Variants in ITPR2 observed in about 807,000 individuals in gnomAD.
ITPR2 encodes the protein inositol 1,4,5-trisphosphate-gated calcium channel ITPR2.
Under a neutral mutation model 317.1 loss-of-function variants are expected in ITPR2, and 207 were observed. That is an observed-to-expected ratio of 0.65 (90% CI 0.58 to 0.73). ITPR2 has a LOEUF of 0.73. Ranked by LOEUF, ITPR2 falls within the 30% of genes least tolerant of loss-of-function variation. The pLI is 0.00. For synonymous variants in ITPR2, 1,156 were observed against 1,149.1 expected, an observed-to-expected ratio of 1.01 and a Z score of -0.12; for missense variants, 2,613 against 3,284.0, an observed-to-expected ratio of 0.80 and a Z score of 4.99.
chr12:26,660,997 T>A (rs933228849), intron 15 of ITPR2, among the ~76,000 whole-genome samples: 1 of 151,556 alleles, frequency 6.6e-6, no homozygotes, highest in African/African-American at 2.4e-5. Context: ...TTTTTAAATG[T>A]TCTAAAAAAT....
chr12:26,412,549 A>C (rs894800127), intron 51 of ITPR2, among the ~76,000 whole-genome samples: 1 of 152,236 alleles, frequency 6.6e-6, no homozygotes, highest in African/African-American at 2.4e-5. Flanking sequence ...GAGGCCTGGA[A>C]GAACAACAGT....
rs765006442 is a variant in ITPR2 at position 26,436,322 on chromosome 12, G to A, written c.6668C>T (p.Ser2223Leu). ...IRNNPALFWF[S>L]RHISLWGSIS... ...GCTCCCCCAGAGAGAGATGTGCCTC[G>A]AGAACCAGAACAGTGCAGGGTTATC... The change falls in exon 48 of 57, where the codon TCG becomes TTG. Residue 2223 changes from serine (S) to leucine (L), a missense_variant. Ser to Leu is a moderately radical substitution (Grantham distance 145, BLOSUM62 -2). This residue lies in a region of ITPR2 where 926 missense variants were observed against 1,072.8 expected (regional missense o/e 0.86). Coordinates refer to ENST00000381340, the MANE Select transcript of ITPR2 (RefSeq NM_002223.4). 8.7e-6 allele frequency: 14 copies of A among 1,612,796 alleles called. No individual in the cohort carries two copies. The highest frequency in any genetic ancestry group is 2.2e-5 in the East Asian group (1 of 44,830).
intron 49 of ITPR2, among the ~76,000 whole-genome samples, chr12:26,425,801 A>G (rs981284373): frequency 7.2e-5 from 11 of 152,350 alleles, no homozygotes; most frequent in South Asian, 4.1e-4. Flanking sequence ...GAGATGTTGC[A>G]TATCTACATG....
intron 55 of ITPR2, among the ~76,000 whole-genome samples, chr12:26,382,923 T>A (rs1238057650): frequency 6.6e-6 from 1 of 152,186 alleles, no homozygotes; most frequent in Non-Finnish European, 1.5e-5. Context: ...ATTTTACAAA[T>A]GAAGAAACTG....
At chr12:26,661,271 TGTGTG>T (rs1226829080) in intron 15 of ITPR2, among the ~76,000 whole-genome samples, 8 of 5,090 alleles carry the variant, frequency 1.6e-3, no homozygotes, top group African/African-American at 7.1e-3. Context: ...TAGGGGTGTG[TGTGTG>T]GGGGGGGGGG....
chr12:26,507,192 G>A (rs531263939), intron 37 of ITPR2, among the ~76,000 whole-genome samples: 3 of 152,142 alleles, frequency 2.0e-5, no homozygotes, highest in Non-Finnish European at 4.4e-5. Flanking sequence ...AGAAAACTAT[G>A]AGACAATGAT....
intron 35 of ITPR2, among the ~76,000 whole-genome samples, chr12:26,559,651 T>C (rs1222017398): frequency 3.3e-5 from 5 of 152,166 alleles, no homozygotes; most frequent in Non-Finnish European, 2.9e-5. Context: ...CATAGCACCA[T>C]GTAAGTCTCT....
intron 26 of ITPR2, among the ~76,000 whole-genome samples, chr12:26,609,696 C>CTA (rs1414828387): frequency 6.6e-6 from 1 of 151,794 alleles, no homozygotes; most frequent in Non-Finnish European, 1.5e-5. Flanking sequence ...CAAACAGTAT[C>CTA]AATTTAAATG....
At chr12:26,457,886 A>G (rs1941929549) in intron 45 of ITPR2, among the ~76,000 whole-genome samples, 1 of 152,228 alleles carries the variant, frequency 6.6e-6, no homozygotes, top group South Asian at 2.1e-4. Context: ...TTACTGTGAT[A>G]TTTAGATGAG....
intron 13 of ITPR2, among the ~76,000 whole-genome samples, chr12:26,674,977 C>A (rs1213078758): frequency 6.6e-6 from 1 of 152,026 alleles, no homozygotes; most frequent in Non-Finnish European, 1.5e-5. Context: ...CAGAGAAATG[C>A]AAATCAAAAC....
In ITPR2 at chr12:26,682,688, A is replaced by G; in HGVS notation, c.1149-15T>C. The G allele has an allele frequency of 6.5e-7, 1 of 1,528,328 alleles. No homozygotes were observed. The highest frequency in any genetic ancestry group is 9.0e-7 in the Non-Finnish European group (1 of 1,110,318). 94.7% of individuals were successfully genotyped at this position (1,528,328 alleles called of 1,614,324 possible). ...CATATGAGTTCCTAAAAGCAAAACAATATAAAAAAACAAATTATAAAAAAT... is the reference window on the plus strand; with the variant it reads ...CATATGAGTTCCTAAAAGCAAAACAGTATAAAAAAACAAATTATAAAAAAT... On this transcript the variant is annotated splice_polypyrimidine_tract_variant and intron_variant, in intron 11 of 56. Transcript: ENST00000381340.
intron 15 of ITPR2, among the ~76,000 whole-genome samples, chr12:26,661,279 G>GT (rs1310757807): frequency 1.7e-5 from 2 of 114,386 alleles, no homozygotes; most frequent in African/African-American, 3.1e-5. Context: ...TGTGTGTGGG[G>GT]GGGGGGGGGT....
intron 5 of ITPR2, among the ~76,000 whole-genome samples, chr12:26,722,018 G>GGTGTCACTCCATTAATTCAAAGGGCA (rs1565717752): frequency 6.6e-6 from 1 of 152,046 alleles, no homozygotes; most frequent in Non-Finnish European, 1.5e-5. Flanking sequence ...CATGAATCAC[G>GGTGTCACTCCATTAATTCAAAGGGCA]GTGTCACTCC....
intron 13 of ITPR2, among the ~76,000 whole-genome samples, chr12:26,669,988 G>T (rs1947719789): frequency 6.6e-6 from 1 of 152,362 alleles, no homozygotes; most frequent in South Asian, 2.1e-4. Flanking sequence ...CGGCAGCGAG[G>T]CTGGGGGAGG....
At chr12:26,662,641 T>C (rs1947528595) in intron 15 of ITPR2, among the ~76,000 whole-genome samples, 1 of 152,212 alleles carries the variant, frequency 6.6e-6, no homozygotes, top group African/African-American at 2.4e-5. Context: ...ACATTTACAT[T>C]ATTGAACACA....
At chr12:26,640,995 T>C (rs1191468119) in intron 21 of ITPR2, among the ~76,000 whole-genome samples, 1 of 152,200 alleles carries the variant, frequency 6.6e-6, no homozygotes, top group African/African-American at 2.4e-5. Context: ...TGAGTTATTA[T>C]TCTCTGGAGA....
chr12:26,583,315 A>T (rs1416917795), intron 32 of ITPR2, among the ~76,000 whole-genome samples: 2 of 152,114 alleles, frequency 1.3e-5, no homozygotes, highest in East Asian at 3.9e-4. Context: ...AGCCCTGTAA[A>T]CCATTTTCCA....
chr12:26,803,114 C>T (rs1950586921), intron 1 of ITPR2, among the ~76,000 whole-genome samples: 1 of 152,118 alleles, frequency 6.6e-6, no homozygotes, highest in Admixed American at 6.5e-5. Flanking sequence ...TCTTGGCTTA[C>T]ACTGAACTTA....
intron 23 of ITPR2, 44 bp from the exon 24 acceptor site, chr12:26,624,400 T>C (rs374295941): frequency 2.9e-5 from 39 of 1,347,610 alleles, no homozygotes; most frequent in Non-Finnish European, 3.9e-5. Context: ...CCTATTTTAA[T>C]TAGGAGCCAT....
Sources: gnomAD v4.1 joint callset for allele counts (sites outside exome capture counted in the v4.1 genomes callset) on GRCh38, gnomAD v4.1.1 for gene constraint, gnomAD v4.1.1 regional missense constraint, MANE v1.5 for transcripts, NCBI Gene and HGNC (gene_info 2026-07-23, HGNC 2026-07-21) for gene names.